Variants in SPMIP2 observed in about 807,000 individuals in gnomAD.
SPMIP2 encodes the protein sperm microtubule inner protein 2, also known as protein SPMIP2.
chr4:158,895,932 T>G, the SPMIP2 span: 17 of 1,185,740 alleles, frequency 1.4e-5, no homozygotes, highest in Non-Finnish European at 2.0e-5. Flanking sequence ...CCCACTAACG[T>G]GTTTAGCCTG....
the SPMIP2 span, among the ~76,000 whole-genome samples, chr4:159,051,820 G>A: frequency 6.6e-6 from 1 of 152,122 alleles, no homozygotes; most frequent in Non-Finnish European, 1.5e-5. Flanking sequence ...GTAAACGACT[G>A]GCATTCTTAT....
At chr4:158,972,127 C>T in the SPMIP2 span, among the ~76,000 whole-genome samples, 3 of 152,142 alleles carry the variant, frequency 2.0e-5, no homozygotes, top group African/African-American at 4.8e-5. Flanking sequence ...TTTGGGAGGC[C>T]GACGCAGGTG....
At chr4:159,004,839 G>A in the SPMIP2 span, among the ~76,000 whole-genome samples, 1 of 151,898 alleles carries the variant, frequency 6.6e-6, no homozygotes, top group Non-Finnish European at 1.5e-5. Context: ...TGGTATTAAA[G>A]CTACCAGGTC....
At chr4:158,966,212 T>C in the SPMIP2 span, among the ~76,000 whole-genome samples, 1 of 152,216 alleles carries the variant, frequency 6.6e-6, no homozygotes, top group Non-Finnish European at 1.5e-5. Flanking sequence ...TTTCCTAGAT[T>C]TAATCCTGGG....
chr4:158,976,190 G>T, the SPMIP2 span, among the ~76,000 whole-genome samples: 174 of 152,298 alleles, frequency 1.1e-3, no homozygotes, highest in African/African-American at 3.9e-3. Flanking sequence ...ATTTTGGGCT[G>T]AGACAATGGG....
At chr4:159,043,499 C>A in the SPMIP2 span, among the ~76,000 whole-genome samples, 1 of 152,168 alleles carries the variant, frequency 6.6e-6, no homozygotes, top group Non-Finnish European at 1.5e-5. Context: ...CAGCACCCAC[C>A]ACCTTGCCTG....
chr4:159,023,744 A>G, the SPMIP2 span, among the ~76,000 whole-genome samples: 1 of 152,080 alleles, frequency 6.6e-6, no homozygotes, highest in Non-Finnish European at 1.5e-5. Flanking sequence ...CTTGCCCCCA[A>G]TTATGCATTT....
At chr4:158,984,571 T>G in the SPMIP2 span, among the ~76,000 whole-genome samples, 108 of 151,932 alleles carry the variant, frequency 7.1e-4, no homozygotes, top group African/African-American at 2.6e-3. Flanking sequence ...ATAAAGATGT[T>G]CTTTGAAACC....
the SPMIP2 span, among the ~76,000 whole-genome samples, chr4:158,985,293 A>G: frequency 2.1e-5 from 3 of 141,570 alleles, no homozygotes; most frequent in South Asian, 7.4e-4. Context: ...TGAGGTCAGC[A>G]TCATCCTGAT....
the SPMIP2 span, among the ~76,000 whole-genome samples, chr4:159,050,931 A>G: frequency 6.6e-6 from 1 of 152,024 alleles, no homozygotes; most frequent in African/African-American, 2.4e-5. Context: ...ACATGGTGAA[A>G]CCCCATCTCT....
the SPMIP2 span, among the ~76,000 whole-genome samples, chr4:159,027,640 C>T: frequency 3.3e-5 from 5 of 152,140 alleles, no homozygotes; most frequent in Admixed American, 2.0e-4. Context: ...TGCAGTAGGA[C>T]TATTTTATTA....
At chr4:158,931,508 C>T in the SPMIP2 span, among the ~76,000 whole-genome samples, 1 of 151,034 alleles carries the variant, frequency 6.6e-6, no homozygotes, top group Non-Finnish European at 1.5e-5. Context: ...CCACCTGCCT[C>T]GGTCTCCCAA....
At chr4:159,061,110 CATAT>C in the SPMIP2 span, among the ~76,000 whole-genome samples, 5 of 143,814 alleles carry the variant, frequency 3.5e-5, no homozygotes, top group African/African-American at 5.1e-5. Context: ...TATATATATA[CATAT>C]ATATATATAT....
chr4:159,082,467 G>GTGTGTGTGTA, the SPMIP2 span, among the ~76,000 whole-genome samples: 1 of 149,284 alleles, frequency 6.7e-6, no homozygotes. Context: ...GTGTGTGTGT[G>GTGTGTGTGTA]TGTGTGTGTG....
the SPMIP2 span, among the ~76,000 whole-genome samples, chr4:158,916,972 T>G: frequency 6.7e-6 from 1 of 149,858 alleles, no homozygotes; most frequent in Non-Finnish European, 1.5e-5. Flanking sequence ...ATGGTCCTGC[T>G]GGGCATGGTG....
At chr4:158,941,531 T>C in the SPMIP2 span, among the ~76,000 whole-genome samples, 6 of 152,106 alleles carry the variant, frequency 3.9e-5, no homozygotes, top group Non-Finnish European at 5.9e-5. Context: ...TGGTGGTACC[T>C]CCCTGTAATC....
At chr4:159,046,729 C>T in the SPMIP2 span, among the ~76,000 whole-genome samples, 1 of 152,158 alleles carries the variant, frequency 6.6e-6, no homozygotes, top group Non-Finnish European at 1.5e-5. Context: ...CATGTCACCA[C>T]ACTCAGCTAA....
the SPMIP2 span, among the ~76,000 whole-genome samples, chr4:158,974,834 T>C: frequency 6.6e-6 from 1 of 152,188 alleles, no homozygotes; most frequent in Non-Finnish European, 1.5e-5. Flanking sequence ...AGTAATGGAA[T>C]TGCTGGGTCA....
At chr4:158,967,307 T>G in the SPMIP2 span, among the ~76,000 whole-genome samples, 2 of 152,272 alleles carry the variant, frequency 1.3e-5, no homozygotes, top group African/African-American at 2.4e-5. Context: ...AGACAATATT[T>G]CTCCCGCCTC....
Sources: gnomAD v4.1 joint callset for allele counts (sites outside exome capture counted in the v4.1 genomes callset) on GRCh38, gnomAD v4.1.1 for gene constraint, MANE v1.5 for transcripts, NCBI Gene and HGNC (gene_info 2026-07-23, HGNC 2026-07-21) for gene names.